DAB1: variants seen among roughly 807,000 people sequenced by gnomAD.
DAB1 encodes DAB adaptor protein 1.
DAB1 carries 15 observed loss-of-function variants against 64.6 expected under a neutral mutation model. The observed-to-expected ratio is 0.23, with a 90% CI of 0.16 to 0.36. The LOEUF (loss-of-function observed/expected upper bound fraction) is 0.36, where lower values mean the gene tolerates loss of function less well. DAB1 is among the 10% of genes least tolerant of loss of function. The pLI, the probability that DAB1 is intolerant of heterozygous loss-of-function variation, is 1.00. For synonymous variants in DAB1, 235 were observed against 251.9 expected (o/e 0.93, Z 0.64); for missense variants, 596 against 706.7 (o/e 0.84, Z 1.78).
At chr1:57,608,902 C>T (rs1645692613) in intron 7 of DAB1, among the ~76,000 whole-genome samples, 1 of 152,134 alleles carries the variant, frequency 6.6e-6, no homozygotes. Flanking sequence ...TAGGGGAAAT[C>T]GTTCACTCTC....
chr1:57,909,700 T>C (rs2102006743), intron 5 of DAB1, among the ~76,000 whole-genome samples: 1 of 152,368 alleles, frequency 6.6e-6, no homozygotes, highest in Admixed American at 6.5e-5. Flanking sequence ...ATCTTAATTA[T>C]GTAGATTTTA....
At chr1:57,606,684 G>GTATGAAATATA (rs1292800497) in intron 7 of DAB1, among the ~76,000 whole-genome samples, 2,280 of 67,288 alleles carry the variant, frequency 0.034, 115 homozygotes, top group African/African-American at 0.099. Flanking sequence ...TATATATTAT[G>GTATGAAATATA]TATGAAATAT....
At chr1:57,661,684 C>G (rs1260796952) in intron 6 of DAB1, among the ~76,000 whole-genome samples, 1 of 152,098 alleles carries the variant, frequency 6.6e-6, no homozygotes, top group Non-Finnish European at 1.5e-5. Context: ...TACACACATC[C>G]TCCCATACAC....
At chr1:57,903,556 C>G (rs1644507184) in intron 5 of DAB1, among the ~76,000 whole-genome samples, 1 of 152,202 alleles carries the variant, frequency 6.6e-6, no homozygotes, top group Admixed American at 6.5e-5. Flanking sequence ...ACTTCTGGAG[C>G]CTTCCCATTT....
At chr1:57,957,750 C>T (rs1645424425) in intron 5 of DAB1, among the ~76,000 whole-genome samples, 1 of 152,148 alleles carries the variant, frequency 6.6e-6, no homozygotes, top group Non-Finnish European at 1.5e-5. Flanking sequence ...GGAATTGCAA[C>T]ATGGGCAGAA....
chr1:57,675,120 G>A (rs545035449), intron 6 of DAB1, among the ~76,000 whole-genome samples: 1 of 152,310 alleles, frequency 6.6e-6, no homozygotes, highest in African/African-American at 2.4e-5. Context: ...ATTCTCAAGT[G>A]ACCACATGGA....
intron 7 of DAB1, among the ~76,000 whole-genome samples, chr1:57,433,649 GA>G (rs1307397481): frequency 6.6e-6 from 1 of 151,960 alleles, no homozygotes; most frequent in African/African-American, 2.4e-5. Context: ...AGAAAATGCT[GA>G]ATTGAACTTT....
rs1335566666 is a variant in DAB1, at chr1:56,996,048, A to T, written c.*2096T>A. The T allele has an allele frequency of 6.6e-6, 1 of 150,626 alleles. No homozygotes were observed. Among genetic ancestry groups the T allele is most frequent in the East Asian group, 1.9e-4 (1 of 5,174 alleles). The allele number at this position is 150,626 out of a possible 1,614,324, so 9.3% of individuals were successfully genotyped here. Reference sequence around the variant, plus strand: ...GACGTTTGGTCAGTTTATCTAACTGAAAAAAAAATTAGACTCCTGTGACCT... The same window carrying T: ...GACGTTTGGTCAGTTTATCTAACTGTAAAAAAAATTAGACTCCTGTGACCT... On this transcript the variant is annotated 3_prime_UTR_variant, in exon 15 of 15. Coordinates refer to ENST00000371236, the MANE Select transcript of DAB1 (RefSeq NM_001365792.1).
At chr1:58,342,444 G>C (rs974383618) in intron 4 of DAB1, among the ~76,000 whole-genome samples, 2 of 152,114 alleles carry the variant, frequency 1.3e-5, no homozygotes, top group African/African-American at 4.8e-5. Context: ...ATGAGAATGT[G>C]GATAAATCAA....
Position 57,757,219 on chromosome 1 carries a change from T to TG in DAB1, n.552-107555_552-107554insC, listed in dbSNP as rs1359654018. Among the ~76,000 whole-genome samples the TG allele has an allele frequency of 2.3e-5, 3 of 129,350 alleles. 1 individual carries two copies. Among genetic ancestry groups the TG allele is most frequent in the Admixed American group, 7.7e-5 (1 of 12,944 alleles). 84.9% of individuals were successfully genotyped at this position (129,350 alleles called of 152,430 possible). A position where few individuals can be genotyped will look rare whatever the true frequency, so the allele number is the denominator to read the frequency against. ...CAGAATTTTTTTTTTTTTTTTTTTT[T>TG]TAGCAGCAATGATGGAGGCTAACAG... is the stretch of plus-strand genomic sequence containing the variant. On this transcript the variant is annotated intron_variant and non_coding_transcript_variant, in intron 6 of 20. Coordinates refer to the DAB1 transcript ENST00000485760.
At chr1:57,856,503 C>G (rs1049743344) in intron 1 of DAB1, among the ~76,000 whole-genome samples, 5 of 152,154 alleles carry the variant, frequency 3.3e-5, no homozygotes, top group Admixed American at 3.3e-4. Flanking sequence ...TGGCTCACAC[C>G]TGTAATCCCA....
chr1:58,276,321 T>A (rs1359731167), intron 4 of DAB1, among the ~76,000 whole-genome samples: 1 of 152,192 alleles, frequency 6.6e-6, no homozygotes, highest in Non-Finnish European at 1.5e-5. Context: ...TATTTTATCA[T>A]CATTTAAATT....
chr1:58,173,427 C>T (rs1185975418), intron 4 of DAB1, among the ~76,000 whole-genome samples: 1 of 152,142 alleles, frequency 6.6e-6, no homozygotes, highest in Non-Finnish European at 1.5e-5. Context: ...TTTGTAATGG[C>T]AAACACACTC....
At chr1:57,117,889 G>T (rs1325703001) in intron 4 of DAB1, among the ~76,000 whole-genome samples, 1 of 151,464 alleles carries the variant, frequency 6.6e-6, no homozygotes, top group Non-Finnish European at 1.5e-5. Context: ...GTGTGGGGAG[G>T]GGGGATGGTA....
chr1:57,037,699 T>C (rs1327528413), intron 9 of DAB1, among the ~76,000 whole-genome samples: 1 of 152,212 alleles, frequency 6.6e-6, no homozygotes, highest in Non-Finnish European at 1.5e-5. Context: ...CTGGGTTATC[T>C]AGGAGTTTAT....
At chr1:57,815,688 C>G (rs1053699040) in intron 6 of DAB1, among the ~76,000 whole-genome samples, 10 of 149,992 alleles carry the variant, frequency 6.7e-5, no homozygotes, top group African/African-American at 2.5e-4. Flanking sequence ...AAAAAAAGAA[C>G]AGAATGCACT....
At chr1:58,311,302 C>T (rs1360642136) in intron 4 of DAB1, among the ~76,000 whole-genome samples, 1 of 152,142 alleles carries the variant, frequency 6.6e-6, no homozygotes, top group African/African-American at 2.4e-5. Flanking sequence ...GTCTCTCTCC[C>T]CTAGTACAGT....
At chr1:58,246,187 T>C (rs1660521505) in intron 4 of DAB1, among the ~76,000 whole-genome samples, 1 of 152,218 alleles carries the variant, frequency 6.6e-6, no homozygotes, top group African/African-American at 2.4e-5. Flanking sequence ...TTAATCATCC[T>C]TTAGAAGCTC....
At chr1:57,571,721 T>C (rs971124845) in intron 7 of DAB1, among the ~76,000 whole-genome samples, 1 of 152,146 alleles carries the variant, frequency 6.6e-6, no homozygotes, top group Admixed American at 6.5e-5. Context: ...TTGGGCAAAA[T>C]AGCAGGGGAA....
Sources: allele counts gnomAD v4.1 joint callset (sites outside exome capture counted in the v4.1 genomes callset), GRCh38; gene constraint gnomAD v4.1.1; transcripts MANE v1.5; gene names NCBI Gene and HGNC (gene_info 2026-07-23, HGNC 2026-07-21).